The following PFKL variants were observed in gnomAD, a reference collection of about 807,000 sequenced individuals.
The protein encoded by PFKL is phosphofructokinase, liver type.
PFKL carries 74 observed loss-of-function variants against 92.1 expected under a neutral mutation model. The observed-to-expected ratio is 0.80, with a 90% CI of 0.67 to 0.97. The LOEUF (loss-of-function observed/expected upper bound fraction) is 0.97, where lower values mean the gene tolerates loss of function less well. Ranked by LOEUF, PFKL falls within the 50% of genes least tolerant of loss-of-function variation. The probability of loss-of-function intolerance (pLI) is 0.00; values close to 1 mark genes in which losing one functional copy is unlikely to be tolerated. For synonymous variants in PFKL, 494 were observed against 456.4 expected (o/e 1.08, Z -1.05); for missense variants, 1,028 against 1,116.6 (o/e 0.92, Z 1.13).
At chr21:44,300,212 G>C in intron 1 of PFKL, 22 bp downstream of exon 1, 1 of 1,065,236 alleles carries the variant, frequency 9.4e-7, no homozygotes, top group Non-Finnish European at 1.1e-6. Context: ...TCCCGGCCGC[G>C]TCGCGGCGCA....
Position 44,325,266 on chromosome 21 carries a change from TGTGGGGCAGGG to T in PFKL, c.1989+6_1989+16del. ...AATGTCCTGGGCCACCTGCAGCAGG[TGTGGGGCAGGG>T]GTGAGGCTCTGAGAGGCCTGCCCCT... On this transcript the variant is annotated splice_donor_5th_base_variant and intron_variant, in intron 19 of 21. Transcript: ENST00000349048. 1 of 1,583,118 alleles carries T rather than the reference TGTGGGGCAGGG, an allele frequency of 6.3e-7. No individual in the cohort carries two copies. Among genetic ancestry groups the T allele is most frequent in the South Asian group, 1.1e-5 (1 of 90,508 alleles).
chr21:44,312,939 T>C (rs913366964), intron 4 of PFKL, 39 bp from the exon 5 acceptor site: 3 of 1,605,278 alleles, frequency 1.9e-6, no homozygotes, highest in Non-Finnish European at 2.6e-6. Flanking sequence ...GTGGGGCCAG[T>C]GGAGCCTCAG....
At chr21:44,326,548 A>C (rs2047517245) in intron 21 of PFKL, among the ~76,000 whole-genome samples, 167 bp from the exon 22 acceptor site, 1 of 141,830 alleles carries the variant, frequency 7.1e-6, no homozygotes, top group Non-Finnish European at 1.5e-5. Flanking sequence ...TGTGCCTCCG[A>C]GGGATGGGGA....
At chr21:44,313,516 T>G in intron 5 of PFKL, 122 bp from the exon 6 acceptor site, 8 of 917,518 alleles carry the variant, frequency 8.7e-6, no homozygotes, top group Non-Finnish European at 1.4e-5. Flanking sequence ...AGCCTGGGCA[T>G]GAGAAGGGGC....
chr21:44,318,102 G>T (rs1450511188), intron 9 of PFKL, among the ~76,000 whole-genome samples: 1 of 152,266 alleles, frequency 6.6e-6, no homozygotes, highest in Non-Finnish European at 1.5e-5. Flanking sequence ...GGGAAGTCAC[G>T]ACATGAGGGC....
intron 19 of PFKL, 130 bp from the exon 20 acceptor site, chr21:44,325,831 A>T: frequency 1.5e-6 from 1 of 648,350 alleles, no homozygotes; most frequent in Non-Finnish European, 2.8e-6. Context: ...GGAACGGTGC[A>T]CGGGTTGGAA....
At position 44,306,622 on chromosome 21, in the gene PFKL, G is replaced by GT. The variant is rs1273726954; in HGVS notation, c.86-59_86-58insT. On this transcript the variant is annotated intron_variant, in intron 1 of 21. Transcript: ENST00000349048. ...TACCCCCTGTCCTCTGAGATGGGGA[G>GT]GGTGTCCAGGGCCTTGCTTCTCAGC... is the stretch of plus-strand genomic sequence containing the variant. 1.7e-5 allele frequency: 25 copies of GT among 1,477,796 alleles called. No homozygotes were observed. The East Asian group carries it at 3.7e-4, about 22-fold the overall frequency. The allele number at this position is 1,477,796 out of a possible 1,614,324, so 91.5% of individuals were successfully genotyped here.
chr21:44,322,298 G>A, intron 14 of PFKL, 95 bp downstream of exon 14: 1 of 1,211,982 alleles, frequency 8.3e-7, no homozygotes, highest in Non-Finnish European at 1.2e-6. Flanking sequence ...CCAGCCCGGG[G>A]CCCTGGGCTC....
chr21:44,313,716 C>T lies in PFKL; in HGVS notation c.638+34C>T, dbSNP rs200820766. 455 of 1,597,648 alleles carry T rather than the reference C, an allele frequency of 2.8e-4. 1 individual carries two copies. Among genetic ancestry groups the T allele is most frequent in the Non-Finnish European group, 3.5e-4 (407 of 1,171,304 alleles). On this transcript the variant is annotated intron_variant, in intron 6 of 21. Transcript: ENST00000349048. ...GGGCTTCCTGGCCCGCTGGGTGGCC[C>T]GGGTGCTGCTGGGGACCGCAGTGAC...
At chr21:44,310,906 C>A in intron 2 of PFKL, 100 bp from the exon 3 acceptor site, 1 of 828,590 alleles carries the variant, frequency 1.2e-6, no homozygotes, top group Non-Finnish European at 2.0e-6. Flanking sequence ...GCACCCTGGT[C>A]CTGCTTTCTG....
chr21:44,313,202 G>A (rs1217392642), intron 5 of PFKL, 59 bp downstream of exon 5: 7 of 1,579,088 alleles, frequency 4.4e-6, no homozygotes, highest in Non-Finnish European at 6.1e-6. Flanking sequence ...ACGGTGGTGA[G>A]GTGGTCTCAG....
At chr21:44,306,573 T>A in intron 1 of PFKL, 108 bp from the exon 2 acceptor site, 2 of 883,208 alleles carry the variant, frequency 2.3e-6, no homozygotes, top group Non-Finnish European at 1.8e-6. Flanking sequence ...CCCTCTGAGA[T>A]GGACAGGGTG....
rs1344463997 is a variant in PFKL, at chr21:44,300,085, G to GC, written c.-18dup. On this transcript the variant is annotated 5_prime_UTR_variant, in exon 1 of 22. Transcript: ENST00000349048. ...CGCAGGCGGCGGGAGTGCGAGCTGG[G>GC]CCCGTGTTTCGGCCGCCGCCATGGC... The GC allele has an allele frequency of 4.5e-6, 5 of 1,107,638 alleles. No individual in the cohort carries two copies. The highest frequency in any genetic ancestry group is 5.6e-6 in the Non-Finnish European group (5 of 899,416). 68.6% of individuals were successfully genotyped at this position (1,107,638 alleles called of 1,614,324 possible). A position where few individuals can be genotyped will look rare whatever the true frequency, so the allele number is the denominator to read the frequency against.
At chr21:44,321,569 C>T (rs1319883570) in intron 12 of PFKL, 160 bp from the exon 13 acceptor site, 5 of 599,314 alleles carry the variant, frequency 8.3e-6, no homozygotes, top group Non-Finnish European at 1.3e-5. Flanking sequence ...AGAACAGATA[C>T]CGTATTCCCA....
chr21:44,325,507 C>T (rs2047481261), intron 19 of PFKL: 1 of 568,704 alleles, frequency 1.8e-6, no homozygotes, highest in Admixed American at 3.0e-5. Context: ...CTGAGCCGAG[C>T]TCCCCACCCC....
chr21:44,317,697 C>T (rs781381117), intron 9 of PFKL, among the ~76,000 whole-genome samples: 2 of 152,164 alleles, frequency 1.3e-5, no homozygotes, highest in East Asian at 1.9e-4. Context: ...CTGGGTGCTG[C>T]GAAGGGGCCA....
chr21:44,311,098 C>T lies in PFKL; in HGVS notation c.237+15C>T, dbSNP rs766452959. The T allele has an allele frequency of 1.7e-5, 28 of 1,606,378 alleles. No homozygotes were observed. The highest frequency in any genetic ancestry group is 6.7e-5 in the East Asian group (3 of 44,734). On this transcript the variant is annotated intron_variant, in intron 3 of 21. Transcript: ENST00000349048. Reference sequence around the variant, plus strand: ...TCATCCAGCTGGTGAGGCCTGGGAACGCGGATGCATGTTGCACTTGGACTC... The same window carrying T: ...TCATCCAGCTGGTGAGGCCTGGGAATGCGGATGCATGTTGCACTTGGACTC...
Position 44,326,874 on chromosome 21 carries a change from C to A in PFKL, c.*12C>A. 6.3e-7 allele frequency: 1 copy of A among 1,597,742 alleles called. No individual in the cohort carries two copies. Among genetic ancestry groups the A allele is most frequent in the Non-Finnish European group, 8.5e-7 (1 of 1,172,150 alleles). ...ACAAGGGCTTCTGAGGCCAGCCATGCCCACGCCCCTCCCCAGCCCCCACCC... is the reference window on the plus strand; with the variant it reads ...ACAAGGGCTTCTGAGGCCAGCCATGACCACGCCCCTCCCCAGCCCCCACCC... On this transcript the variant is annotated 3_prime_UTR_variant, in exon 22 of 22. Transcript: ENST00000349048.
intron 7 of PFKL, 57 bp downstream of exon 7, chr21:44,314,078 C>A: frequency 7.9e-7 from 1 of 1,270,936 alleles, no homozygotes. Context: ...TGGGTAGCGC[C>A]CCTGGGGTTT....
Sources: gnomAD v4.1 joint callset for allele counts (sites outside exome capture counted in the v4.1 genomes callset) on GRCh38, gnomAD v4.1.1 for gene constraint, MANE v1.5 for transcripts, NCBI Gene and HGNC (gene_info 2026-07-23, HGNC 2026-07-21) for gene names.